STK38L: variants seen among roughly 807,000 people sequenced by gnomAD.
The protein encoded by STK38L is serine/threonine kinase 38 like.
Under a neutral mutation model 59.7 loss-of-function variants are expected in STK38L, and 28 were observed. That is an observed-to-expected ratio of 0.47 (90% confidence interval 0.35 to 0.64). The LOEUF (loss-of-function observed/expected upper bound fraction) is 0.64. STK38L is among the 30% of genes least tolerant of loss of function. STK38L has a pLI of 0.01. For synonymous variants in STK38L, 162 were observed against 176.8 expected (o/e 0.92, Z 0.66); for missense variants, 314 against 555.8 (o/e 0.56, Z 4.37).
chr12:27,277,354 AAC>A (rs138808945), intron 1 of STK38L, among the ~76,000 whole-genome samples: 1 of 149,990 alleles, frequency 6.7e-6, no homozygotes, highest in Middle Eastern at 3.2e-3. Flanking sequence ...CATCTCAAAA[AAC>A]ACACACACAC....
chr12:27,271,957 C>T (rs1170000809), intron 1 of STK38L, among the ~76,000 whole-genome samples: 1 of 152,160 alleles, frequency 6.6e-6, no homozygotes, highest in East Asian at 1.9e-4. Flanking sequence ...GCCTTGGCCT[C>T]CCAAAGTGCT....
intron 1 of STK38L, among the ~76,000 whole-genome samples, chr12:27,247,069 G>A (rs958051368): frequency 2.0e-5 from 3 of 152,186 alleles, no homozygotes; most frequent in African/African-American, 4.8e-5. Flanking sequence ...AGGAAAAGGC[G>A]TTTCTGTGGA....
chr12:27,289,356 T>TA (rs1395497838), intron 1 of STK38L, among the ~76,000 whole-genome samples: 22 of 151,542 alleles, frequency 1.5e-4, no homozygotes, highest in Middle Eastern at 3.4e-3. Flanking sequence ...TTGCAAGTTT[T>TA]AAAAAAAAAT....
chr12:27,247,121 ATACTT>A (rs1395999207), intron 1 of STK38L, among the ~76,000 whole-genome samples: 4 of 152,376 alleles, frequency 2.6e-5, no homozygotes, highest in South Asian at 2.1e-4. Context: ...TGATAAGTAA[ATACTT>A]TATATAATGC....
At chr12:27,306,919 C>T (rs1375199682) in intron 3 of STK38L, among the ~76,000 whole-genome samples, 2 of 151,908 alleles carry the variant, frequency 1.3e-5, no homozygotes, top group African/African-American at 4.8e-5. Flanking sequence ...TTAGTAGAGA[C>T]GGGGTTTTAC....
chr12:27,272,056 C>G (rs1943435573), intron 1 of STK38L, among the ~76,000 whole-genome samples: 1 of 152,194 alleles, frequency 6.6e-6, no homozygotes, highest in African/African-American at 2.4e-5. Context: ...TTTAAACGCT[C>G]TCATTGGTTC....
At chr12:27,244,996 AG>A (rs1942818878) in intron 1 of STK38L, among the ~76,000 whole-genome samples, 1 of 152,168 alleles carries the variant, frequency 6.6e-6, no homozygotes, top group Non-Finnish European at 1.5e-5. Flanking sequence ...AGTAGAAAAG[AG>A]TATAACCGAT....
chr12:27,272,429 T>C (rs961122983), intron 1 of STK38L, among the ~76,000 whole-genome samples: 3 of 152,238 alleles, frequency 2.0e-5, no homozygotes, highest in African/African-American at 7.2e-5. Context: ...TATTATGCTT[T>C]GTTTTCCTTT....
At chr12:27,283,213 T>G (rs1295974156) in intron 1 of STK38L, among the ~76,000 whole-genome samples, 1 of 152,220 alleles carries the variant, frequency 6.6e-6, no homozygotes, top group East Asian at 1.9e-4. Context: ...GTATTAAAAC[T>G]GTATTAAAAC....
chr12:27,271,961 A>G (rs1042023579), intron 1 of STK38L, among the ~76,000 whole-genome samples: 1 of 152,098 alleles, frequency 6.6e-6, no homozygotes, highest in South Asian at 2.1e-4. Flanking sequence ...TGGCCTCCCA[A>G]AGTGCTTGGA....
intron 1 of STK38L, among the ~76,000 whole-genome samples, chr12:27,271,919 T>G (rs1943432511): frequency 6.6e-6 from 1 of 152,132 alleles, no homozygotes; most frequent in Non-Finnish European, 1.5e-5. Context: ...AGATTGGTCT[T>G]GAACTCCTGA....
At chr12:27,250,996 CAAAAAAA>C (rs34643896) in intron 1 of STK38L, among the ~76,000 whole-genome samples, 1 of 104,996 alleles carries the variant, frequency 9.5e-6, no homozygotes, top group Non-Finnish European at 2.0e-5. Context: ...GACTCTGTCT[CAAAAAAA>C]AAAAAAAAAA....
chr12:27,246,547 C>T (rs1304845608), intron 1 of STK38L, among the ~76,000 whole-genome samples: 2 of 152,142 alleles, frequency 1.3e-5, no homozygotes, highest in Non-Finnish European at 2.9e-5. Context: ...AGAAATTATG[C>T]TTCTGTATTT....
intron 1 of STK38L, among the ~76,000 whole-genome samples, chr12:27,290,773 C>G (rs1350115439): frequency 2.0e-5 from 3 of 152,200 alleles, no homozygotes; most frequent in Non-Finnish European, 4.4e-5. Context: ...GGCTGCAGCT[C>G]TGCTCCAGCT....
chr12:27,290,826 T>G lies in STK38L; in HGVS notation c.-11-6884T>G, dbSNP rs574647131. ...AGAGCTCATTGTGGACAGATCAGACTTTTCAGGAGAAACCAGAAACCTGGA... is the reference window on the plus strand; with the variant it reads ...AGAGCTCATTGTGGACAGATCAGACGTTTCAGGAGAAACCAGAAACCTGGA... On this transcript the variant is annotated intron_variant, in intron 1 of 13. Transcript: ENST00000389032. Among the ~76,000 whole-genome samples the G allele has an allele frequency of 1.5e-4, 23 of 152,322 alleles. No individual in the cohort carries two copies. The South Asian group carries it at 4.1e-3, about 27-fold the overall frequency.
At chr12:27,290,558 TAG>T (rs1389377416) in intron 1 of STK38L, among the ~76,000 whole-genome samples, 1 of 152,194 alleles carries the variant, frequency 6.6e-6, no homozygotes, top group Non-Finnish European at 1.5e-5. Context: ...TAGAGATAAT[TAG>T]AGACTTTAGT....
intron 1 of STK38L, among the ~76,000 whole-genome samples, chr12:27,282,413 A>G (rs1224549469): frequency 6.6e-6 from 1 of 152,240 alleles, no homozygotes; most frequent in African/African-American, 2.4e-5. Flanking sequence ...TGAATTTTTC[A>G]ATAGAAAAGT....
chr12:27,248,620 A>T (rs1253426329), intron 1 of STK38L, among the ~76,000 whole-genome samples: 1 of 151,368 alleles, frequency 6.6e-6, no homozygotes, highest in Non-Finnish European at 1.5e-5. Context: ...CAGTGCCTGC[A>T]GTTGACCGTA....
chr12:27,302,798 A>T (rs1944207677), intron 3 of STK38L, among the ~76,000 whole-genome samples: 1 of 151,844 alleles, frequency 6.6e-6, no homozygotes, highest in South Asian at 2.1e-4. Context: ...AGGCGGGTGG[A>T]TCACGAGGTC....
Sources: allele counts gnomAD v4.1 joint callset (sites outside exome capture counted in the v4.1 genomes callset), GRCh38; gene constraint gnomAD v4.1.1; transcripts MANE v1.5; gene names NCBI Gene and HGNC (gene_info 2026-07-23, HGNC 2026-07-21).